Variants in NPAS3 observed in about 807,000 individuals in gnomAD.
The protein encoded by NPAS3 is neuronal PAS domain-containing protein 3.
Under a neutral mutation model 73.1 loss-of-function variants are expected in NPAS3, and 14 were observed. The observed-to-expected ratio is 0.19, with a 90% CI of 0.13 to 0.30. NPAS3 has a LOEUF of 0.30. Ranked by LOEUF, NPAS3 falls within the 10% of genes least tolerant of loss-of-function variation. NPAS3 has a pLI of 1.00. For missense variants in NPAS3, 1,096 were observed against 1,250.0 expected (o/e 0.88, Z 1.86); for synonymous variants, 620 against 541.5 (o/e 1.14, Z -2.01).
chr14:33,051,131 G>A lies in NPAS3; in HGVS notation c.51-4774G>A, dbSNP rs367774424. Among the ~76,000 whole-genome samples, 98 of 151,214 alleles carry A rather than the reference G, an allele frequency of 6.5e-4. 1 individual carries two copies. In the South Asian group the frequency reaches 0.017, roughly 26 times the overall value. The stretch of plus-strand genomic sequence containing the variant: ...CTACTAAAAATACAAAAAATTAGCC[G>A]GGCGCGGTGGCGGGCGCCTGTAGTC... On this transcript the variant is annotated intron_variant, in intron 1 of 11. Coordinates refer to ENST00000356141, the Ensembl canonical transcript of NPAS3.
intron 1 of NPAS3, among the ~76,000 whole-genome samples, chr14:33,010,770 A>C (rs1418885112): frequency 6.6e-6 from 1 of 151,648 alleles, no homozygotes; most frequent in Non-Finnish European, 1.5e-5. Context: ...CTGGGCAAAA[A>C]TAAATAAATA....
chr14:33,461,803 C>A (rs2050279492), intron 4 of NPAS3, among the ~76,000 whole-genome samples: 1 of 152,224 alleles, frequency 6.6e-6, no homozygotes, highest in South Asian at 2.1e-4. Context: ...ACTAGAGCCC[C>A]TGATTCAAAT....
intron 3 of NPAS3, among the ~76,000 whole-genome samples, chr14:33,295,689 T>G (rs1046736484): frequency 2.6e-5 from 4 of 152,230 alleles, no homozygotes; most frequent in African/African-American, 9.6e-5. Context: ...ATTAGGATAC[T>G]TATGTAATGT....
upstream of NPAS3, among the ~76,000 whole-genome samples, chr14:32,936,469 G>T (rs1213180648): frequency 2.0e-5 from 3 of 152,114 alleles, no homozygotes; most frequent in African/African-American, 4.8e-5. Flanking sequence ...GACTAGAAAA[G>T]AATTAGATTT....
At chr14:33,157,150 G>A (rs1246960881) in intron 2 of NPAS3, among the ~76,000 whole-genome samples, 1 of 152,148 alleles carries the variant, frequency 6.6e-6, no homozygotes, top group East Asian at 1.9e-4. Flanking sequence ...AGTCCTTACT[G>A]CACTTTTCTA....
At position 33,034,132 on chromosome 14, in the gene NPAS3, T is replaced by A. The variant is rs543697432; in HGVS notation, c.51-21773T>A. Among the ~76,000 whole-genome samples the A allele has an allele frequency of 6.1e-3, 926 of 152,264 alleles. 7 individuals carry two copies. Among genetic ancestry groups the A allele is most frequent in the Non-Finnish European group, 9.7e-3 (661 of 67,980 alleles). Reference sequence around the variant, plus strand: ...AAGTGTTATTTTTATATGGGGTTAATGGTTATTTCTTATTTGCTTTTTTTC... The same window carrying A: ...AAGTGTTATTTTTATATGGGGTTAAAGGTTATTTCTTATTTGCTTTTTTTC... On this transcript the variant is annotated intron_variant, in intron 1 of 11. Coordinates refer to ENST00000356141, the Ensembl canonical transcript of NPAS3.
chr14:33,662,635 T>G (rs1172267319), intron 5 of NPAS3, among the ~76,000 whole-genome samples: 1 of 152,090 alleles, frequency 6.6e-6, no homozygotes, highest in Non-Finnish European at 1.5e-5. Context: ...TAAGCAGTGG[T>G]TTGTAGTTCT....
At chr14:33,471,724 C>T (rs781169657) in intron 4 of NPAS3, among the ~76,000 whole-genome samples, 11 of 152,104 alleles carry the variant, frequency 7.2e-5, no homozygotes, top group Non-Finnish European at 1.5e-4. Flanking sequence ...GGGAAATTAC[C>T]AGTAGAAAGT....
At chr14:33,633,767 C>T (rs761313923) in intron 5 of NPAS3, among the ~76,000 whole-genome samples, 1 of 152,066 alleles carries the variant, frequency 6.6e-6, no homozygotes, top group Non-Finnish European at 1.5e-5. Context: ...ATCACTTGAG[C>T]CCGGGAGAGT....
At chr14:33,791,564 G>A (rs541602211) in intron 9 of NPAS3, among the ~76,000 whole-genome samples, 2 of 152,168 alleles carry the variant, frequency 1.3e-5, no homozygotes, top group East Asian at 1.9e-4. Context: ...CTACACATAC[G>A]TGCAGACCAC....
intron 2 of NPAS3, among the ~76,000 whole-genome samples, chr14:33,146,838 A>T (rs1166599380): frequency 6.6e-5 from 10 of 152,224 alleles, no homozygotes; most frequent in Non-Finnish European, 7.3e-5. Flanking sequence ...CCATGACTCG[A>T]TCAGGGAAGA....
intron 3 of NPAS3, among the ~76,000 whole-genome samples, chr14:33,357,151 G>A (rs2045375742): frequency 6.6e-6 from 1 of 152,206 alleles, no homozygotes; most frequent in African/African-American, 2.4e-5. Context: ...TGAAAATTGT[G>A]TGGGCTTTTG....
chr14:33,085,215 A>T (rs192778039), intron 2 of NPAS3, among the ~76,000 whole-genome samples: 1 of 152,360 alleles, frequency 6.6e-6, no homozygotes, highest in African/African-American at 2.4e-5. Flanking sequence ...AAATAATTTA[A>T]AAGAGAAACA....
chr14:32,967,327 G>T (rs920426237), intron 1 of NPAS3, among the ~76,000 whole-genome samples: 1 of 152,110 alleles, frequency 6.6e-6, no homozygotes, highest in Admixed American at 6.5e-5. Context: ...AAAGTATGTG[G>T]AAATCAACTG....
chr14:33,230,303 G>C (rs1425454853), intron 3 of NPAS3, among the ~76,000 whole-genome samples: 1 of 152,108 alleles, frequency 6.6e-6, no homozygotes, highest in African/African-American at 2.4e-5. Flanking sequence ...CAGTTTTTCT[G>C]GTATCAAAAC....
At chr14:33,676,222 A>G in exon 6 of NPAS3, 1 of 1,613,832 alleles carries the variant, frequency 6.2e-7, no homozygotes, top group South Asian at 1.1e-5. Flanking sequence ...TGGAGCTGAC[A>G]GGCAGCAGTG....
intron 5 of NPAS3, among the ~76,000 whole-genome samples, chr14:33,656,198 T>A (rs2059141581): frequency 6.6e-6 from 1 of 152,210 alleles, no homozygotes; most frequent in Non-Finnish European, 1.5e-5. Flanking sequence ...ACTTTCTTAA[T>A]GATTGGCACA....
chr14:33,307,176 A>G (rs1305500187), intron 3 of NPAS3, among the ~76,000 whole-genome samples: 3 of 152,188 alleles, frequency 2.0e-5, no homozygotes, highest in African/African-American at 7.2e-5. Flanking sequence ...ATTTAATTAT[A>G]ATGTCACTTT....
intron 2 of NPAS3, among the ~76,000 whole-genome samples, chr14:33,111,139 T>C (rs368498849): frequency 7.9e-5 from 12 of 152,144 alleles, no homozygotes; most frequent in Non-Finnish European, 1.6e-4. Flanking sequence ...TCTGCCACTG[T>C]TGGGGAGAAG....
Sources: allele counts gnomAD v4.1 joint callset (sites outside exome capture counted in the v4.1 genomes callset), GRCh38; gene constraint gnomAD v4.1.1; transcripts MANE v1.5; gene names NCBI Gene and HGNC (gene_info 2026-07-23, HGNC 2026-07-21).